The following EIPR1 variants were observed in gnomAD, a reference collection of about 807,000 sequenced individuals.
The protein encoded by EIPR1 is EARP complex and GARP complex interacting protein 1, also known as EARP and GARP complex-interacting protein 1.
EIPR1 carries 25 observed loss-of-function variants against 48.1 expected under a neutral mutation model. That is an observed-to-expected ratio of 0.52 (90% confidence interval 0.38 to 0.73). The LOEUF (loss-of-function observed/expected upper bound fraction) is 0.73. Ranked by LOEUF, EIPR1 falls within the 30% of genes least tolerant of loss-of-function variation. The pLI is 0.00. For synonymous variants in EIPR1, 204 were observed against 201.9 expected (o/e 1.01, Z -0.09); for missense variants, 415 against 506.2 (o/e 0.82, Z 1.73).
intron 3 of EIPR1, among the ~76,000 whole-genome samples, chr2:3,288,778 G>A (rs1405894341): frequency 6.6e-6 from 1 of 152,364 alleles, no homozygotes; most frequent in East Asian, 1.9e-4. Context: ...CTGGGACAGA[G>A]GACAGACGCG....
chr2:3,251,559 C>A (rs1404999595), intron 4 of EIPR1, among the ~76,000 whole-genome samples: 2 of 152,164 alleles, frequency 1.3e-5, no homozygotes, highest in Non-Finnish European at 2.9e-5. Context: ...ACCTGTAAAT[C>A]TGAAACGAGA....
chr2:3,211,898 T>C (rs1443321840), intron 5 of EIPR1, among the ~76,000 whole-genome samples: 1 of 152,234 alleles, frequency 6.6e-6, no homozygotes, highest in South Asian at 2.1e-4. Context: ...TCTACCCTCA[T>C]CGGGGTCTGT....
At chr2:3,323,046 C>T (rs1378236006) in intron 3 of EIPR1, among the ~76,000 whole-genome samples, 2 of 151,984 alleles carry the variant, frequency 1.3e-5, no homozygotes, top group Non-Finnish European at 2.9e-5. Context: ...TGGCTCTTTC[C>T]GGAGATTCAG....
At chr2:3,234,994 C>G (rs1666356558) in intron 4 of EIPR1, among the ~76,000 whole-genome samples, 1 of 152,256 alleles carries the variant, frequency 6.6e-6, no homozygotes, top group Admixed American at 6.5e-5. Flanking sequence ...AAATAGCTTT[C>G]TCTTTCATAA....
In EIPR1 at chr2:3,312,138, G is replaced by A. The variant is rs533726299; in HGVS notation, c.259+25879C>T. Among the ~76,000 whole-genome samples, 14 of 152,200 alleles carry A rather than the reference G, an allele frequency of 9.2e-5. No homozygotes were observed. The highest frequency in any genetic ancestry group is 1.8e-4 in the Non-Finnish European group (12 of 68,002). On this transcript the variant is annotated intron_variant, in intron 3 of 8. Transcript: ENST00000382125. The surrounding 1 kb of genome is among the most constrained non-coding windows in gnomAD (Gnocchi z 5.5). ...AGTGCCTGAAGATGAGTCTCGGGAC[G>A]CTCCCAAATTTCCTCAAGTTGCCCC...
chr2:3,328,505 C>CT (rs544444302), intron 3 of EIPR1, among the ~76,000 whole-genome samples: 5 of 101,394 alleles, frequency 4.9e-5, no homozygotes, highest in East Asian at 3.1e-4. Context: ...CGGTGCCAGC[C>CT]AGGCTCCCCT....
rs556203770 is a variant in EIPR1 at position 3,278,980 on chromosome 2, ATTT to A, written c.260-21528_260-21526del. 1.4e-4 allele frequency among the ~76,000 whole-genome samples: 22 copies of A among 152,228 alleles called. No homozygotes were observed. The South Asian group carries it at 4.6e-3, about 32-fold the overall frequency. ...ACCTGTGCTCTGAGTACATCGAACC[ATTT>A]TTTTATGCCTACAGAAGGAAACAGT... On this transcript the variant is annotated intron_variant, in intron 3 of 8. Coordinates refer to ENST00000382125, the MANE Select transcript of EIPR1 (RefSeq NM_003310.5).
intron 4 of EIPR1, among the ~76,000 whole-genome samples, chr2:3,225,296 A>G (rs1188028302): frequency 2.7e-5 from 4 of 146,776 alleles, no homozygotes; most frequent in Admixed American, 6.9e-5. Flanking sequence ...CCCAGGCTGG[A>G]GGGCAGTGGT....
At chr2:3,210,652 A>T (rs1665416582) in intron 5 of EIPR1, among the ~76,000 whole-genome samples, 1 of 101,094 alleles carries the variant, frequency 9.9e-6, no homozygotes, top group African/African-American at 3.8e-5. Flanking sequence ...TTTTTTTGAG[A>T]CGGAGTCTCG....
At chr2:3,296,184 A>G (rs1283915535) in intron 3 of EIPR1, among the ~76,000 whole-genome samples, 1 of 129,558 alleles carries the variant, frequency 7.7e-6, no homozygotes, top group South Asian at 2.6e-4. Context: ...CTGCACACAT[A>G]CACCCTCCAT....
At chr2:3,302,588 C>A (rs573379548) in intron 3 of EIPR1, among the ~76,000 whole-genome samples, 31 of 152,312 alleles carry the variant, frequency 2.0e-4, no homozygotes, top group African/African-American at 7.2e-4. Context: ...GGCGACAGGC[C>A]GGATGAAGAC....
chr2:3,252,837 T>C (rs1240979888), intron 4 of EIPR1, among the ~76,000 whole-genome samples: 1 of 152,154 alleles, frequency 6.6e-6, no homozygotes, highest in Non-Finnish European at 1.5e-5. Context: ...CACTGCCTTG[T>C]TTTTAGGATC....
intron 1 of EIPR1, among the ~76,000 whole-genome samples, chr2:3,371,677 G>C (rs1671118457): frequency 6.6e-6 from 1 of 152,172 alleles, no homozygotes; most frequent in Admixed American, 6.5e-5. Flanking sequence ...AACAACAAGA[G>C]CTAACTATCC....
chr2:3,237,925 G>A (rs1188585303), intron 4 of EIPR1, among the ~76,000 whole-genome samples: 1 of 152,222 alleles, frequency 6.6e-6, no homozygotes, highest in African/African-American at 2.4e-5. Flanking sequence ...GCTGAACGTG[G>A]TGCTGCCCTC....
intron 3 of EIPR1, among the ~76,000 whole-genome samples, chr2:3,318,698 T>C (rs938219243): frequency 5.9e-5 from 9 of 152,214 alleles, no homozygotes. Context: ...ACTCTCATTC[T>C]GCAATGCTCA....
chr2:3,211,619 G>C (rs1249504501), intron 5 of EIPR1, among the ~76,000 whole-genome samples: 1 of 152,156 alleles, frequency 6.6e-6, no homozygotes, highest in Non-Finnish European at 1.5e-5. Context: ...CTTTCCAATG[G>C]AAACACTGTG....
intron 2 of EIPR1, among the ~76,000 whole-genome samples, chr2:3,352,791 G>A (rs1423223683): frequency 6.6e-6 from 1 of 152,258 alleles, no homozygotes; most frequent in Non-Finnish European, 1.5e-5. Flanking sequence ...GAGGTCAGGA[G>A]TTTGAGACCA....
At chr2:3,317,552 T>C (rs956380667) in intron 3 of EIPR1, among the ~76,000 whole-genome samples, 1 of 152,226 alleles carries the variant, frequency 6.6e-6, no homozygotes, top group Non-Finnish European at 1.5e-5. Flanking sequence ...GCAGCAGCTG[T>C]GAGGGTCGAG....
intron 3 of EIPR1, among the ~76,000 whole-genome samples, chr2:3,334,303 G>A (rs922512433): frequency 2.0e-4 from 31 of 152,356 alleles, no homozygotes; most frequent in East Asian, 1.2e-3. Context: ...AAGCAATGCC[G>A]TCTAATCTAA....
Sources: allele counts gnomAD v4.1 joint callset (sites outside exome capture counted in the v4.1 genomes callset), GRCh38; gene constraint gnomAD v4.1.1; non-coding constraint Gnocchi (gnomAD v3.1); transcripts MANE v1.5; gene names NCBI Gene and HGNC (gene_info 2026-07-23, HGNC 2026-07-21).